CEP83: variants seen among roughly 807,000 people sequenced by gnomAD.
CEP83 encodes the protein centrosomal protein of 83 kDa.
In CEP83, 70 loss-of-function variants were observed where a neutral mutation model predicts 101.9. The ratio of observed to expected loss-of-function variants is 0.69; its 90% CI spans 0.57 to 0.84. CEP83 has a LOEUF of 0.84. CEP83 is among the 40% of genes least tolerant of loss of function. The pLI, the probability that CEP83 is intolerant of heterozygous loss-of-function variation, is 0.00. For missense variants in CEP83, 715 were observed against 787.2 expected (o/e 0.91, Z 1.10); for synonymous variants, 264 against 267.9 (o/e 0.99, Z 0.14).
At chr12:94,315,783 A>G (rs897571894) in intron 14 of CEP83, among the ~76,000 whole-genome samples, 2 of 151,936 alleles carry the variant, frequency 1.3e-5, no homozygotes, top group African/African-American at 4.8e-5. Flanking sequence ...TTGACTCACT[A>G]CTATTTGAAG....
At chr12:94,443,501 A>G (rs763461859) in intron 1 of CEP83, among the ~76,000 whole-genome samples, 2 of 151,950 alleles carry the variant, frequency 1.3e-5, no homozygotes, top group Non-Finnish European at 1.5e-5. Flanking sequence ...ATATAAACAT[A>G]TATTTTTTTG....
At chr12:94,276,955 T>A in the CEP83 span, 2 of 152,208 alleles carry the variant, frequency 1.3e-5, no homozygotes, top group East Asian at 3.9e-4. Flanking sequence ...ATTCCACTGA[T>A]TCGGAGTTTT....
the CEP83 span, among the ~76,000 whole-genome samples, chr12:94,291,507 A>G: frequency 1.3e-5 from 2 of 152,240 alleles, no homozygotes; most frequent in African/African-American, 2.4e-5. Flanking sequence ...CTGGGATTAC[A>G]GTCATGAACC....
At chr12:94,297,172 C>G in the CEP83 span, 3 of 1,613,564 alleles carry the variant, frequency 1.9e-6, no homozygotes, top group Non-Finnish European at 2.5e-6. Flanking sequence ...TTCTCTCCCT[C>G]TTTCTCTGGC....
At chr12:94,297,061 A>G in the CEP83 span, 1 of 805,490 alleles carries the variant, frequency 1.2e-6, no homozygotes, top group Non-Finnish European at 2.1e-6. Flanking sequence ...AGCTATGGAG[A>G]GCTCAAGTCA....
intron 14 of CEP83, among the ~76,000 whole-genome samples, chr12:94,327,743 C>T (rs1474167684): frequency 2.0e-5 from 3 of 152,248 alleles, no homozygotes; most frequent in South Asian, 4.1e-4. Context: ...CTGGCAGTCA[C>T]GCTTTACCTT....
intron 16 of CEP83, among the ~76,000 whole-genome samples, chr12:94,309,680 G>A (rs1186831265): frequency 1.3e-5 from 2 of 152,116 alleles, no homozygotes; most frequent in East Asian, 3.9e-4. Flanking sequence ...CTATCGTCCA[G>A]TAAGAGATTT....
intron 2 of CEP83, among the ~76,000 whole-genome samples, chr12:94,420,489 G>A (rs1402859938): frequency 2.0e-5 from 3 of 152,170 alleles, no homozygotes; most frequent in Non-Finnish European, 4.4e-5. Context: ...TAGCCCATGG[G>A]CCACATACAG....
intron 1 of CEP83, among the ~76,000 whole-genome samples, chr12:94,454,341 C>T (rs75197622): frequency 0.017 from 2,568 of 152,304 alleles, 28 homozygotes; most frequent in Non-Finnish European, 0.027. Context: ...TCAATACATA[C>T]TTATTGAGAC....
At chr12:94,376,747 A>ATT (rs55973264) in intron 7 of CEP83, among the ~76,000 whole-genome samples, 52 of 120,196 alleles carry the variant, frequency 4.3e-4, no homozygotes, top group East Asian at 2.4e-3. Flanking sequence ...ATATATATAT[A>ATT]TTTTTTTTTT....
At chr12:94,407,909 C>T (rs1280525011) in intron 4 of CEP83, 1 of 152,412 alleles carries the variant, frequency 6.6e-6, no homozygotes, top group Non-Finnish European at 1.5e-5. Context: ...ACCTCCGCCT[C>T]CAGGTTCAAA....
In CEP83 at chr12:94,307,838, C is replaced by CTGCT. The variant is rs1969235478; in HGVS notation, c.*971_*974dup. The CTGCT allele has an allele frequency of 6.6e-6, 1 of 152,100 alleles. No homozygotes were observed. Among genetic ancestry groups the CTGCT allele is most frequent in the Admixed American group, 6.5e-5 (1 of 15,268 alleles). The allele number at this position is 152,100 out of a possible 1,614,324, so 9.4% of individuals were successfully genotyped here. The stretch of plus-strand genomic sequence containing the variant: ...CTAGTTTGCTAAATGGTGCTAAGGA[C>CTGCT]TGCTCAATTACAGTCCTGGCCTTCT... On this transcript the variant is annotated 3_prime_UTR_variant, in exon 17 of 17. Coordinates refer to ENST00000397809, the MANE Select transcript of CEP83 (RefSeq NM_016122.3).
At chr12:94,336,009 A>T (rs1409236246) in intron 11 of CEP83, among the ~76,000 whole-genome samples, 1 of 152,114 alleles carries the variant, frequency 6.6e-6, no homozygotes, top group Non-Finnish European at 1.5e-5. Flanking sequence ...AAATTATAGA[A>T]TGTGTTGCTA....
intron 1 of CEP83, among the ~76,000 whole-genome samples, chr12:94,453,268 C>T (rs1006821399): frequency 2.0e-5 from 3 of 152,184 alleles, no homozygotes; most frequent in Admixed American, 6.5e-5. Flanking sequence ...CTACCACTAA[C>T]GTTGATGACT....
chr12:94,314,177 A>C (rs1186063639), intron 14 of CEP83, among the ~76,000 whole-genome samples: 1 of 152,176 alleles, frequency 6.6e-6, no homozygotes, highest in Non-Finnish European at 1.5e-5. Flanking sequence ...AAATGTTAAA[A>C]CTCATTTAGT....
the CEP83 span, chr12:94,272,317 T>A: frequency 2.6e-5 from 4 of 152,240 alleles, no homozygotes; most frequent in Non-Finnish European, 5.9e-5. Flanking sequence ...CTTGTCCTCA[T>A]ATTCTAAGTG....
the CEP83 span, chr12:94,298,614 A>C: frequency 1.9e-6 from 3 of 1,568,880 alleles, no homozygotes; most frequent in Non-Finnish European, 1.7e-6. Flanking sequence ...CCCAAATCTG[A>C]TGTTGTCTAT....
chr12:94,324,323 A>C (rs781286387), intron 14 of CEP83, among the ~76,000 whole-genome samples: 13 of 152,240 alleles, frequency 8.5e-5, no homozygotes, highest in African/African-American at 1.2e-4. Context: ...AGGACTATCC[A>C]AATGACCTAA....
chr12:94,331,763 G>C lies in CEP83; in HGVS notation c.1644C>G (p.Asp548Glu), dbSNP rs1243079182. The C allele has an allele frequency of 1.2e-6, 2 of 1,613,536 alleles. No individual in the cohort carries two copies. Among genetic ancestry groups the C allele is most frequent in the African/African-American group, 2.7e-5 (2 of 74,900 alleles). The change falls in exon 14 of 17, where the codon GAC becomes GAG. Residue 548 changes from aspartate to glutamate, a missense_variant. Asp to Glu is a conservative substitution (Grantham distance 45). Coordinates refer to ENST00000397809, the MANE Select transcript of CEP83 (RefSeq NM_016122.3). Reference sequence around the variant, plus strand: ...TAGCTTGATTGTACTTTTCTTCTCTGTCTGTGATACGCTCATGAAGCTTAT... The same window carrying C: ...TAGCTTGATTGTACTTTTCTTCTCTCTCTGTGATACGCTCATGAAGCTTAT... ...EKHKLHERIT[D>E]REEKYNQAKE...
Sources: allele counts gnomAD v4.1 joint callset (sites outside exome capture counted in the v4.1 genomes callset), GRCh38; gene constraint gnomAD v4.1.1; transcripts MANE v1.5; gene names NCBI Gene and HGNC (gene_info 2026-07-23, HGNC 2026-07-21).